LRRIQ3: variants seen among roughly 807,000 people sequenced by gnomAD.
LRRIQ3 encodes leucine-rich repeat and IQ domain-containing protein 3.
LRRIQ3 carries 75 observed loss-of-function variants against 59.3 expected under a neutral mutation model. The ratio of observed to expected loss-of-function variants is 1.26; its 90% CI spans 1.05 to 1.53. The LOEUF (loss-of-function observed/expected upper bound fraction) is 1.53, where lower values mean the gene tolerates loss of function less well. LRRIQ3 is among the 40% of genes most tolerant of loss of function. The pLI, the probability that LRRIQ3 is intolerant of heterozygous loss-of-function variation, is 0.00. For synonymous variants in LRRIQ3, 250 were observed against 231.3 expected, an observed-to-expected ratio of 1.08 and a Z score of -0.73; for missense variants, 831 against 710.0, an observed-to-expected ratio of 1.17 and a Z score of -1.94.
At chr1:74,176,789 G>A (rs1270030533) in intron 3 of LRRIQ3, among the ~76,000 whole-genome samples, 1 of 152,074 alleles carries the variant, frequency 6.6e-6, no homozygotes, top group Non-Finnish European at 1.5e-5. Flanking sequence ...CACCTCAGCA[G>A]GGAGGGGCAG....
At chr1:74,039,840 A>C (rs1653989298) in intron 7 of LRRIQ3, among the ~76,000 whole-genome samples, 1 of 152,166 alleles carries the variant, frequency 6.6e-6, no homozygotes, top group Non-Finnish European at 1.5e-5. Flanking sequence ...ACACACCAAA[A>C]TATAATGACC....
At chr1:74,052,841 A>T (rs1478120472) in intron 6 of LRRIQ3, among the ~76,000 whole-genome samples, 1 of 152,180 alleles carries the variant, frequency 6.6e-6, no homozygotes, top group African/African-American at 2.4e-5. Flanking sequence ...TCTAGATTGT[A>T]GGAATCTTAC....
intron 2 of LRRIQ3, 31 bp from the exon 3 acceptor site, chr1:74,182,892 C>A: frequency 1.6e-6 from 2 of 1,256,640 alleles, no homozygotes; most frequent in Non-Finnish European, 2.1e-6. Context: ...TTTTAAATTC[C>A]AAAATTACTT....
chr1:74,180,570 C>A (rs1288585461), intron 3 of LRRIQ3: 1 of 656,148 alleles, frequency 1.5e-6, no homozygotes, highest in African/African-American at 1.9e-5. Context: ...TCCCAGTTAT[C>A]CAGCTTCAAA....
intron 5 of LRRIQ3, among the ~76,000 whole-genome samples, chr1:74,084,776 A>T (rs1366859646): frequency 1.3e-5 from 2 of 151,696 alleles, no homozygotes; most frequent in Non-Finnish European, 3.0e-5. Context: ...ATCCACCAAA[A>T]CATTTTAATT....
intron 6 of LRRIQ3, among the ~76,000 whole-genome samples, chr1:74,045,334 C>T (rs1196105925): frequency 6.6e-6 from 1 of 152,138 alleles, no homozygotes. Context: ...CATAATCTAG[C>T]ACATAAACGG....
chr1:74,049,674 A>G (rs1355477677), intron 6 of LRRIQ3, among the ~76,000 whole-genome samples: 1 of 152,156 alleles, frequency 6.6e-6, no homozygotes, highest in Non-Finnish European at 1.5e-5. Context: ...ATATTTTTAT[A>G]TGTATTACTG....
chr1:74,152,535 G>A (rs530473143), intron 4 of LRRIQ3, among the ~76,000 whole-genome samples: 1 of 152,218 alleles, frequency 6.6e-6, no homozygotes, highest in East Asian at 1.9e-4. Context: ...AATTAATAAT[G>A]TTGGCAACCA....
At chr1:74,088,202 C>T (rs1646350877) in intron 5 of LRRIQ3, among the ~76,000 whole-genome samples, 1 of 152,010 alleles carries the variant, frequency 6.6e-6, no homozygotes, top group African/African-American at 2.4e-5. Context: ...GATTTCTATC[C>T]ATTATGAGTC....
rs1048421723 is a variant in LRRIQ3 at position 74,030,108 on chromosome 1, A to G, written c.1719-3139T>C. On this transcript the variant is annotated intron_variant, in intron 7 of 7. Coordinates refer to ENST00000354431, the MANE Select transcript of LRRIQ3 (RefSeq NM_001105659.2). ...AAGGAGAACTACAAACCACTGCTCA[A>G]CAAAATAAAAGAGGACACAAACAAA... Among the ~76,000 whole-genome samples the G allele has an allele frequency of 4.6e-5, 7 of 152,138 alleles. No homozygotes were observed. The South Asian group carries it at 1.2e-3, about 27-fold the overall frequency.
chr1:74,046,765 C>T (rs1654216567), intron 6 of LRRIQ3, among the ~76,000 whole-genome samples: 1 of 152,006 alleles, frequency 6.6e-6, no homozygotes, highest in African/African-American at 2.4e-5. Context: ...AAAAAACAAA[C>T]AAACCCATCA....
intron 6 of LRRIQ3, among the ~76,000 whole-genome samples, chr1:74,060,221 GTTC>G (rs773201991): frequency 0.28 from 14,999 of 53,370 alleles, 1,100 homozygotes; most frequent in African/African-American, 0.3. Context: ...TCTTCTTCTT[GTTC>G]TTCTTCTTCT....
At chr1:74,039,810 C>T (rs1021379739) in intron 7 of LRRIQ3, among the ~76,000 whole-genome samples, 6 of 152,096 alleles carry the variant, frequency 3.9e-5, no homozygotes, top group Admixed American at 1.3e-4. Flanking sequence ...AAGGAAAAAC[C>T]GGTACCAGCC....
intron 5 of LRRIQ3, chr1:74,108,889 T>C (rs2100559482): frequency 1.2e-5 from 5 of 402,668 alleles, no homozygotes; most frequent in South Asian, 9.3e-5. Flanking sequence ...AATATCTATC[T>C]ATGGTGCTAC....
intron 3 of LRRIQ3, among the ~76,000 whole-genome samples, chr1:74,169,747 G>A (rs929849709): frequency 6.6e-6 from 1 of 151,902 alleles, no homozygotes; most frequent in African/African-American, 2.4e-5. Context: ...ACAGGGTCTT[G>A]TTATGTTGTC....
Position 74,162,019 on chromosome 1 carries a change from T to TG in LRRIQ3, c.574-6154dup, listed in dbSNP as rs576072952. On this transcript the variant is annotated intron_variant, in intron 3 of 7. Transcript: ENST00000354431. ...TTGTTTAAATCTTAGTTCTACCACTTGCTAGCTGTGTATTATAGGGTAAAT... is the reference window on the plus strand; with the variant it reads ...TTGTTTAAATCTTAGTTCTACCACTTGGCTAGCTGTGTATTATAGGGTAAAT... 3.3e-5 allele frequency among the ~76,000 whole-genome samples: 5 copies of TG among 152,014 alleles called. No homozygotes were observed. In the South Asian group the frequency reaches 1.0e-3, roughly 31 times the overall value.
At chr1:74,149,281 T>C (rs892756805) in intron 4 of LRRIQ3, among the ~76,000 whole-genome samples, 3 of 152,314 alleles carry the variant, frequency 2.0e-5, no homozygotes, top group African/African-American at 4.8e-5. Context: ...TATAGAATCA[T>C]GCATCAGTAA....
intron 6 of LRRIQ3, among the ~76,000 whole-genome samples, chr1:74,054,448 C>T (rs887839554): frequency 4.0e-5 from 6 of 151,824 alleles, no homozygotes; most frequent in Non-Finnish European, 5.9e-5. Flanking sequence ...AATGATACCG[C>T]GATGTTGGAT....
At chr1:74,117,130 TAAATAG>T (rs1646788380) in intron 4 of LRRIQ3, among the ~76,000 whole-genome samples, 1 of 152,118 alleles carries the variant, frequency 6.6e-6, no homozygotes, top group African/African-American at 2.4e-5. Flanking sequence ...CAAAATATTT[TAAATAG>T]AAGTTATCCA....
Sources: allele counts gnomAD v4.1 joint callset (sites outside exome capture counted in the v4.1 genomes callset), GRCh38; gene constraint gnomAD v4.1.1; transcripts MANE v1.5; gene names NCBI Gene and HGNC (gene_info 2026-07-23, HGNC 2026-07-21).